Variants in SHANK1 observed in about 807,000 individuals in gnomAD.
SHANK1 encodes the protein SH3 and multiple ankyrin repeat domains 1, also known as SH3 and multiple ankyrin repeat domains protein 1.
In SHANK1, 35 loss-of-function variants were observed where a neutral mutation model predicts 165.6. The observed-to-expected ratio is 0.21, with a 90% CI of 0.16 to 0.28. The LOEUF (loss-of-function observed/expected upper bound fraction) is 0.28, where lower values mean the gene tolerates loss of function less well. SHANK1 is among the 10% of genes least tolerant of loss of function. The probability of loss-of-function intolerance (pLI) is 1.00; values close to 1 mark genes in which losing one functional copy is unlikely to be tolerated. For missense variants in SHANK1, 2,681 were observed against 3,036.4 expected, an observed-to-expected ratio of 0.88 and a Z score of 2.75; for synonymous variants, 1,428 against 1,384.8, an observed-to-expected ratio of 1.03 and a Z score of -0.69.
chr19:50,664,930 A>T (rs539643018), intron 23 of SHANK1, among the ~76,000 whole-genome samples: 1 of 151,644 alleles, frequency 6.6e-6, no homozygotes, highest in Non-Finnish European at 1.5e-5. Context: ...AATTTTTTGT[A>T]TTTTTTTTAG....
intron 21 of SHANK1, among the ~76,000 whole-genome samples, chr19:50,675,574 C>T (rs1052094295): frequency 2.0e-5 from 3 of 152,132 alleles, no homozygotes; most frequent in Non-Finnish European, 4.4e-5. Context: ...GTGACAGATA[C>T]TGCAGATACG....
chr19:50,689,012 G>T, intron 16 of SHANK1, 44 bp from the exon 17 acceptor site: 1 of 1,396,250 alleles, frequency 7.2e-7, no homozygotes, highest in Non-Finnish European at 9.9e-7. Flanking sequence ...GGAGGGGGTG[G>T]AGAGGCCGAG....
At position 50,718,485 on chromosome 19, in the gene SHANK1, C is replaced by T. The variant is rs1275158317; in HGVS notation, c.-44+921G>A. Among the ~76,000 whole-genome samples the T allele has an allele frequency of 5.9e-5, 9 of 152,116 alleles. No homozygotes were observed. The highest frequency in any genetic ancestry group is 5.2e-4 in the Admixed American group (8 of 15,278). ...CGCGCGTACGGCTGCCCCAGCCCCC[C>T]CGGGCCGGCTCCGGCCCCTCCCCCT... On this transcript the variant is annotated intron_variant, in intron 1 of 23. Transcript: ENST00000293441. The surrounding 1 kb of genome is among the most constrained non-coding windows in gnomAD (Gnocchi z 5.1).
intron 21 of SHANK1, among the ~76,000 whole-genome samples, chr19:50,673,852 G>C (rs188697984): frequency 6.7e-6 from 1 of 150,074 alleles, no homozygotes; most frequent in Non-Finnish European, 1.5e-5. Flanking sequence ...GGAGTGCAGT[G>C]GCGTTAACAC....
chr19:50,716,674 C>G lies in SHANK1; in HGVS notation c.246G>C (p.Leu82=). 6.4e-7 allele frequency: 1 copy of G among 1,573,822 alleles called. No individual in the cohort carries two copies. The part of the protein sequence containing the change: ...MMVFRIGIPD[L]HQTKCLRFNP... ...GTGGGCAGGTACTCACTGTCTGGTG[C>G]AGGTCCGGGATGCCAATCCTGAAGA... Residue 82 remains leucine (L), a synonymous_variant, in exon 2 of 24, where the codon CTG becomes CTC. Transcript: ENST00000293441. This position sits in a 1 kb window ranked among gnomAD's most constrained non-coding sequence, Gnocchi z 8.4.
intron 12 of SHANK1, among the ~76,000 whole-genome samples, chr19:50,701,348 ATTT>A (rs35759880): frequency 7.1e-6 from 1 of 140,600 alleles, no homozygotes; most frequent in South Asian, 2.3e-4. Context: ...CACCTGGCTA[ATTT>A]TTTTTTTTTT....
Position 50,660,616 on chromosome 19 carries a change from C to T in SHANK1, c.*1349G>A, listed in dbSNP as rs958032722. Among the ~76,000 whole-genome samples the T allele has an allele frequency of 1.3e-5, 2 of 150,830 alleles. No individual in the cohort carries two copies. The highest frequency in any genetic ancestry group is 4.9e-5 in the African/African-American group (2 of 40,848). On this transcript the variant is annotated 3_prime_UTR_variant, in exon 24 of 24. Transcript: ENST00000293441. ...GTGCAAAAGGAAAGAAGTGGTAGAG[C>T]TCTCATCCAGGTAGAAAAGACAAGA...
chr19:50,714,193 G>A lies in SHANK1; in HGVS notation c.629C>T (p.Ser210Leu), dbSNP rs1371353842. The A allele has an allele frequency of 6.8e-6, 11 of 1,613,908 alleles. No individual in the cohort carries two copies. Among genetic ancestry groups the A allele is most frequent in the Admixed American group, 3.3e-5 (2 of 59,992 alleles). ...DKGLDPNYHD[S>L]DSGETPLTLA... ...GCACCCCTCCCTACCTCCCGAATCC[G>A]AGTCATGGTAATTGGGGTCCAGCCC... Residue 210 changes from serine to leucine, a missense_variant, in exon 5 of 24, where the codon TCG becomes TTG. Physicochemically the swap from Ser to Leu is moderately radical, Grantham distance 145. Around this residue, in one of 10 missense-constraint regions of SHANK1, gnomAD observed 189 missense variants for 440.9 expected, o/e 0.43. Transcript: ENST00000293441.
chr19:50,716,502 T>C lies in SHANK1; in HGVS notation c.256-24A>G. On this transcript the variant is annotated intron_variant, in intron 2 of 23. Coordinates refer to ENST00000293441, the MANE Select transcript of SHANK1 (RefSeq NM_016148.5). The surrounding 1 kb of genome is among the most constrained non-coding windows in gnomAD (Gnocchi z 8.4). ...TTCTGGTTGGGGAAGAGATAGGGGCTAGGGTGGGCCAGGGGCCAGAGGAGA... is the reference window on the plus strand; with the variant it reads ...TTCTGGTTGGGGAAGAGATAGGGGCCAGGGTGGGCCAGGGGCCAGAGGAGA... The C allele has an allele frequency of 6.2e-7, 1 of 1,612,474 alleles. No individual in the cohort carries two copies. The highest frequency in any genetic ancestry group is 2.2e-5 in the East Asian group (1 of 44,854).
intron 15 of SHANK1, among the ~76,000 whole-genome samples, chr19:50,693,450 G>A (rs1209049254): frequency 6.6e-6 from 1 of 151,490 alleles, no homozygotes; most frequent in Admixed American, 6.6e-5. Flanking sequence ...TGCCCTGCAG[G>A]AGCCCACACA....
intron 15 of SHANK1, among the ~76,000 whole-genome samples, chr19:50,691,314 CCTT>C (rs909648158): frequency 2.0e-5 from 3 of 152,260 alleles, no homozygotes; most frequent in African/African-American, 7.2e-5. Flanking sequence ...CCCATTCCCA[CCTT>C]CTTACTCCTC....
chr19:50,682,362 C>G (rs1986207034), intron 21 of SHANK1, among the ~76,000 whole-genome samples: 1 of 152,132 alleles, frequency 6.6e-6, no homozygotes, highest in Non-Finnish European at 1.5e-5. Context: ...CCCAGCCTGG[C>G]CTGTTTTCTA....
Position 50,717,835 on chromosome 19 carries a change from G to A in SHANK1, c.-43-873C>T, listed in dbSNP as rs1265037164. ...CTGGGTACTAGGGGCTCCACTCTGA[G>A]GACTGGGGGTGTTAGGAGGGAGGCT... On this transcript the variant is annotated intron_variant, in intron 1 of 23. Coordinates refer to ENST00000293441, the MANE Select transcript of SHANK1 (RefSeq NM_016148.5). The surrounding 1 kb of genome is among the most constrained non-coding windows in gnomAD (Gnocchi z 5.5). Among the ~76,000 whole-genome samples the A allele has an allele frequency of 6.6e-6, 1 of 152,110 alleles. No homozygotes were observed. Among genetic ancestry groups the A allele is most frequent in the Admixed American group, 6.5e-5 (1 of 15,274 alleles).
chr19:50,666,370 C>T lies in SHANK1; in HGVS notation c.5590G>A (p.Ala1864Thr). 6.2e-7 allele frequency: 1 copy of T among 1,613,750 alleles called. No individual in the cohort carries two copies. Among genetic ancestry groups the T allele is most frequent in the Non-Finnish European group, 8.5e-7 (1 of 1,179,934 alleles). Reference protein sequence around the residue: ...PLAQPQASALATVKASIISEL... With the variant: ...PLAQPQASALTTVKASIISEL... Reference sequence around the variant, plus strand: ...CTGATGATGCTGGCTTTTACTGTGGCCAAGGCTGAGGCCTGAGGCTGGGCC... The same window carrying T: ...CTGATGATGCTGGCTTTTACTGTGGTCAAGGCTGAGGCCTGAGGCTGGGCC... The change falls in exon 23 of 24, where the codon GCC becomes ACC. Residue 1864 changes from alanine (A) to threonine (T), a missense_variant. This residue lies in a region of SHANK1 where 1,713 missense variants were observed against 1,630.2 expected (regional missense o/e 1.05). Coordinates refer to ENST00000293441, the MANE Select transcript of SHANK1 (RefSeq NM_016148.5).
rs993132932 is a variant in SHANK1 at position 50,688,728 on chromosome 19, T to TGGCACCAGG, written c.2172+115_2172+116insCCTGGTGCC. On this transcript the variant is annotated intron_variant, in intron 17 of 23. Transcript: ENST00000293441. This position sits in a 1 kb window ranked among gnomAD's most constrained non-coding sequence, Gnocchi z 6.7. ...GCTGGCTGGGGGGTGGGCAGGGGGCTGGGAATCCTGGTGCCAAAGGAGAAT... is the reference window on the plus strand; with the variant it reads ...GCTGGCTGGGGGGTGGGCAGGGGGCTGGCACCAGGGGGAATCCTGGTGCCAAAGGAGAAT... 1.1e-5 allele frequency: 12 copies of TGGCACCAGG among 1,055,526 alleles called. No individual in the cohort carries two copies. In the African/African-American group the frequency reaches 1.9e-4, roughly 17 times the overall value. 65.4% of individuals were successfully genotyped at this position (1,055,526 alleles called of 1,614,324 possible). A position where few individuals can be genotyped will look rare whatever the true frequency, so the allele number is the denominator to read the frequency against.
rs1985580962 is a variant in SHANK1, at chr19:50,667,450, C to A, written c.4510G>T (p.Val1504Leu). Residue 1504 changes from valine to leucine, a missense_variant, in exon 23 of 24, where the codon GTG becomes TTG. This residue lies in a region of SHANK1 where 1,713 missense variants were observed against 1,630.2 expected (regional missense o/e 1.05). Transcript: ENST00000293441. This position sits in a 1 kb window ranked among gnomAD's most constrained non-coding sequence, Gnocchi z 5.7. ...FLENCQPRAP[V>L]TSGRGPPSED... Reference sequence around the variant, plus strand: ...GAGGGGGGACCCCTTCCGCTCGTCACAGGGGCCCGGGGCTGGCAGTTTTCA... The same window carrying A: ...GAGGGGGGACCCCTTCCGCTCGTCAAAGGGGCCCGGGGCTGGCAGTTTTCA... 2.6e-6 allele frequency: 4 copies of A among 1,527,612 alleles called. No homozygotes were observed. The highest frequency in any genetic ancestry group is 3.5e-6 in the Non-Finnish European group (4 of 1,146,228). 94.6% of individuals were successfully genotyped at this position (1,527,612 alleles called of 1,614,324 possible). A position where few individuals can be genotyped will look rare whatever the true frequency, so the allele number is the denominator to read the frequency against.
Position 50,668,019 on chromosome 19 carries a change from C to G in SHANK1, c.3941G>C (p.Gly1314Ala), listed in dbSNP as rs1203537849. 3.4e-6 allele frequency: 5 copies of G among 1,475,724 alleles called. No homozygotes were observed. Among genetic ancestry groups the G allele is most frequent in the South Asian group, 1.3e-5 (1 of 78,226 alleles). 91.4% of individuals were successfully genotyped at this position (1,475,724 alleles called of 1,614,324 possible). A position where few individuals can be genotyped will look rare whatever the true frequency, so the allele number is the denominator to read the frequency against. Reference protein sequence around the residue: ...AGSGAGYGGYGAGSRAYGGGG... With the variant: ...AGSGAGYGGYAAGSRAYGGGG... The stretch of plus-strand genomic sequence containing the variant: ...ACCCCCGTAGGCTCGGCTACCGGCC[C>G]CGTAGCCGCCGTAGCCCGCGCCGCT... The change falls in exon 23 of 24, where the codon GGG becomes GCG. Residue 1314 changes from glycine to alanine, a missense_variant. Transcript: ENST00000293441.
rs1351516694 is a variant in SHANK1 at position 50,670,151 on chromosome 19, C to A, written c.2675-866G>T. Among the ~76,000 whole-genome samples, 1 of 152,126 alleles carries A rather than the reference C, an allele frequency of 6.6e-6. No individual in the cohort carries two copies. Among genetic ancestry groups the A allele is most frequent in the Non-Finnish European group, 1.5e-5 (1 of 68,030 alleles). On this transcript the variant is annotated intron_variant, in intron 22 of 23. Transcript: ENST00000293441. The surrounding 1 kb of genome is among the most constrained non-coding windows in gnomAD (Gnocchi z 4.1). ...CAGACTCCAAACGCTCCAACCCAAG[C>A]TCCTGATCTCCTCACCAACAGACTC... is the stretch of plus-strand genomic sequence containing the variant.
intron 8 of SHANK1, among the ~76,000 whole-genome samples, chr19:50,706,752 C>T (rs932815447): frequency 6.6e-6 from 1 of 151,808 alleles, no homozygotes; most frequent in African/African-American, 2.4e-5. Flanking sequence ...TGTCCTCTTC[C>T]TTGCTTTATT....
Sources: gnomAD v4.1 joint callset for allele counts (sites outside exome capture counted in the v4.1 genomes callset) on GRCh38, gnomAD v4.1.1 for gene constraint, gnomAD v4.1.1 regional missense constraint, Gnocchi (gnomAD v3.1) non-coding constraint, MANE v1.5 for transcripts, NCBI Gene and HGNC (gene_info 2026-07-23, HGNC 2026-07-21) for gene names.